ZMYM2: variants seen among roughly 807,000 people sequenced by gnomAD.
ZMYM2 encodes zinc finger MYM-type containing 2.
In ZMYM2, 56 loss-of-function variants were observed where a neutral mutation model predicts 162.8. That is an observed-to-expected ratio of 0.34 (90% confidence interval 0.28 to 0.43). The LOEUF (loss-of-function observed/expected upper bound fraction) is 0.43. ZMYM2 is among the 20% of genes least tolerant of loss of function. The probability of loss-of-function intolerance (pLI) is 1.00; values close to 1 mark genes in which losing one functional copy is unlikely to be tolerated. For missense variants in ZMYM2, 1,275 were observed against 1,621.8 expected (o/e 0.79, Z 3.67); for synonymous variants, 510 against 541.6 (o/e 0.94, Z 0.81).
upstream of ZMYM2, among the ~76,000 whole-genome samples, chr13:19,954,126 A>ATTTTTTTTTTTTTTT (rs781288600): frequency 1.8e-3 from 117 of 64,906 alleles, 42 homozygotes; most frequent in East Asian, 3.7e-3. Context: ...GCTATGTTTA[A>ATTTTTTTTTTTTTTT]TTTTTTTTTT....
the ZMYM2 span, among the ~76,000 whole-genome samples, chr13:19,891,777 T>A: frequency 6.6e-6 from 1 of 151,644 alleles, no homozygotes; most frequent in Non-Finnish European, 1.5e-5. Context: ...ATCCTCCCTC[T>A]AAAAAAAATA....
chr13:20,027,378 G>A (rs1225154552), intron 9 of ZMYM2, 60 bp downstream of exon 9: 5 of 1,306,630 alleles, frequency 3.8e-6, no homozygotes, highest in African/African-American at 3.1e-5. Flanking sequence ...AAAATAATCA[G>A]TGTAATATAA....
chr13:19,930,230 A>G, the ZMYM2 span, among the ~76,000 whole-genome samples: 3 of 152,102 alleles, frequency 2.0e-5, no homozygotes, highest in African/African-American at 7.2e-5. Context: ...GTGAAACCCC[A>G]TTTCTACTAA....
intron 19 of ZMYM2, 140 bp downstream of exon 19, chr13:20,064,685 ATATAGT>A: frequency 3.0e-6 from 1 of 338,784 alleles, no homozygotes; most frequent in Non-Finnish European, 4.9e-6. Context: ...TTTATATAGA[ATATAGT>A]AATAATATAT....
chr13:19,918,495 CTTTTTTTTTTT>C, the ZMYM2 span, among the ~76,000 whole-genome samples: 3 of 107,504 alleles, frequency 2.8e-5, no homozygotes, highest in East Asian at 2.8e-4. Context: ...TTCTTTCTTT[CTTTTTTTTTTT>C]TTTTTTTTTT....
At chr13:19,870,134 C>G in the ZMYM2 span, among the ~76,000 whole-genome samples, 1 of 152,132 alleles carries the variant, frequency 6.6e-6, no homozygotes. Context: ...CTCTAGTTGT[C>G]TCCAAAGTGG....
At chr13:20,067,957 C>G (rs1349791258) in intron 21 of ZMYM2, 1 of 161,366 alleles carries the variant, frequency 6.2e-6, no homozygotes, top group Non-Finnish European at 1.4e-5. Flanking sequence ...CAGGGGAGAT[C>G]TCTTCAGAGT....
At chr13:20,025,166 CTAT>C (rs2140237791) in intron 7 of ZMYM2, 1 of 205,642 alleles carries the variant, frequency 4.9e-6, no homozygotes, top group Non-Finnish European at 9.9e-6. Context: ...TCTATAACAC[CTAT>C]TATTTATGCT....
the ZMYM2 span, among the ~76,000 whole-genome samples, chr13:19,916,860 A>G: frequency 0.028 from 4,294 of 152,362 alleles, 108 homozygotes; most frequent in East Asian, 0.092. Flanking sequence ...TTAAAGTATC[A>G]TTAAAAAATA....
At chr13:19,938,963 A>G in the ZMYM2 span, among the ~76,000 whole-genome samples, 2 of 152,058 alleles carry the variant, frequency 1.3e-5, no homozygotes, top group African/African-American at 4.8e-5. Context: ...TGAATCATGA[A>G]TAAAAGCCAA....
chr13:19,952,669 G>C, the ZMYM2 span, among the ~76,000 whole-genome samples: 1 of 152,298 alleles, frequency 6.6e-6, no homozygotes, highest in East Asian at 1.9e-4. Context: ...CAGGAACTCA[G>C]AGGAAAGGAA....
intron 3 of ZMYM2, among the ~76,000 whole-genome samples, chr13:19,999,463 A>G (rs1950243011): frequency 6.6e-6 from 1 of 152,174 alleles, no homozygotes; most frequent in Admixed American, 6.5e-5. Flanking sequence ...CACAAACCAT[A>G]CCCATATGAG....
chr13:19,912,864 A>T, the ZMYM2 span, among the ~76,000 whole-genome samples: 1 of 152,184 alleles, frequency 6.6e-6, no homozygotes, highest in Non-Finnish European at 1.5e-5. Context: ...ATCTCTTCTA[A>T]GGTGAAGGAT....
At chr13:20,081,686 T>C (rs1036946303) in intron 21 of ZMYM2, among the ~76,000 whole-genome samples, 1 of 152,122 alleles carries the variant, frequency 6.6e-6, no homozygotes, top group Non-Finnish European at 1.5e-5. Context: ...TTTTAAAATT[T>C]ACATTTTTCT....
At chr13:20,074,455 C>T (rs1486635287) in intron 21 of ZMYM2, among the ~76,000 whole-genome samples, 8 of 151,886 alleles carry the variant, frequency 5.3e-5, no homozygotes, top group Admixed American at 4.6e-4. Context: ...AGTCTGGTCT[C>T]GAACTCCTGG....
At chr13:19,948,081 A>C in the ZMYM2 span, among the ~76,000 whole-genome samples, 1 of 152,194 alleles carries the variant, frequency 6.6e-6, no homozygotes, top group Non-Finnish European at 1.5e-5. Context: ...TCAGAAGGTG[A>C]AAATCCCAAA....
the ZMYM2 span, among the ~76,000 whole-genome samples, chr13:19,906,648 T>C: frequency 1.3e-5 from 2 of 151,768 alleles, no homozygotes; most frequent in Non-Finnish European, 2.9e-5. Context: ...TGATCACAGC[T>C]CACTGCAGCC....
intron 2 of ZMYM2, among the ~76,000 whole-genome samples, chr13:19,966,718 G>T (rs1955824044): frequency 6.6e-6 from 1 of 152,144 alleles, no homozygotes; most frequent in Non-Finnish European, 1.5e-5. Context: ...TGGGATTATG[G>T]TCGTGAGCCA....
chr13:20,073,209 CTT>C (rs1298945769), intron 21 of ZMYM2, among the ~76,000 whole-genome samples: 2 of 152,140 alleles, frequency 1.3e-5, no homozygotes, highest in South Asian at 2.1e-4. Context: ...TGCCCAGCCT[CTT>C]TTTGTATCTT....
Sources: allele counts gnomAD v4.1 joint callset (sites outside exome capture counted in the v4.1 genomes callset), GRCh38; gene constraint gnomAD v4.1.1; transcripts MANE v1.5; gene names NCBI Gene and HGNC (gene_info 2026-07-23, HGNC 2026-07-21).